SNTG1: variants seen among roughly 807,000 people sequenced by gnomAD.
SNTG1 encodes the protein syntrophin gamma 1.
In SNTG1, 39 loss-of-function variants were observed where a neutral mutation model predicts 74.7. That is an observed-to-expected ratio of 0.52 (90% CI 0.40 to 0.68). The LOEUF (loss-of-function observed/expected upper bound fraction) is 0.68. Among genes scored for constraint, SNTG1 ranks in the 30% least tolerant of loss-of-function variants. SNTG1 has a pLI of 0.00. For missense variants in SNTG1, 685 were observed against 609.5 expected (o/e 1.12, Z -1.30); for synonymous variants, 254 against 217.1 (o/e 1.17, Z -1.49).
intron 8 of SNTG1, among the ~76,000 whole-genome samples, chr8:50,454,421 C>T (rs761371303): frequency 2.0e-5 from 3 of 152,020 alleles, no homozygotes; most frequent in Admixed American, 6.6e-5. Flanking sequence ...TGCTTGAACC[C>T]GGGAGGCGGA....
At chr8:50,400,304 C>T (rs552801914) in intron 3 of SNTG1, among the ~76,000 whole-genome samples, 45 of 152,258 alleles carry the variant, frequency 3.0e-4, no homozygotes, top group African/African-American at 1.1e-3. Flanking sequence ...GCAAAGTATC[C>T]TCCATCCTTA....
chr8:49,935,443 T>C (rs527982016), intron 1 of SNTG1, among the ~76,000 whole-genome samples: 130 of 135,920 alleles, frequency 9.6e-4, no homozygotes, highest in African/African-American at 3.5e-3. Flanking sequence ...ACTGCAGAGA[T>C]GCTTAGGAAG....
At chr8:49,953,151 T>G (rs1480251903) in intron 1 of SNTG1, among the ~76,000 whole-genome samples, 3 of 152,206 alleles carry the variant, frequency 2.0e-5, no homozygotes, top group Non-Finnish European at 4.4e-5. Flanking sequence ...AGTCCAGGAA[T>G]GACTTTGAAG....
intron 1 of SNTG1, among the ~76,000 whole-genome samples, chr8:50,159,102 T>C (rs893708654): frequency 2.6e-5 from 4 of 152,176 alleles, no homozygotes; most frequent in Non-Finnish European, 4.4e-5. Context: ...GGGTTTTTTC[T>C]CTTCTAAAAT....
chr8:50,557,745 A>G (rs1370498675), intron 12 of SNTG1, among the ~76,000 whole-genome samples: 1 of 152,184 alleles, frequency 6.6e-6, no homozygotes, highest in African/African-American at 2.4e-5. Flanking sequence ...CAGGTTTTCC[A>G]TGTGGATATT....
chr8:50,405,122 A>T (rs2131367311), intron 4 of SNTG1, among the ~76,000 whole-genome samples: 1 of 152,194 alleles, frequency 6.6e-6, no homozygotes, highest in South Asian at 2.1e-4. Flanking sequence ...TGGGTGTACA[A>T]ATATGTTTGA....
chr8:49,930,106 T>G (rs1275090339), intron 1 of SNTG1, among the ~76,000 whole-genome samples: 1 of 152,008 alleles, frequency 6.6e-6, no homozygotes, highest in Non-Finnish European at 1.5e-5. Context: ...TCGAAAACAA[T>G]TTATACTAAA....
At chr8:50,584,902 T>G (rs2130842237) in intron 12 of SNTG1, among the ~76,000 whole-genome samples, 1 of 152,198 alleles carries the variant, frequency 6.6e-6, no homozygotes, top group African/African-American at 2.4e-5. Context: ...GGGTGGGCAC[T>G]GGGTCCATGC....
intron 8 of SNTG1, among the ~76,000 whole-genome samples, chr8:50,477,087 G>A (rs917359899): frequency 2.6e-5 from 4 of 152,018 alleles, no homozygotes; most frequent in Non-Finnish European, 5.9e-5. Flanking sequence ...AACTGGGGAA[G>A]AAAAGAAAAA....
chr8:50,096,853 C>T (rs1022272215), intron 1 of SNTG1, among the ~76,000 whole-genome samples: 1 of 152,098 alleles, frequency 6.6e-6, no homozygotes, highest in Non-Finnish European at 1.5e-5. Flanking sequence ...TGAATTAATA[C>T]ATTCTGCAAG....
chr8:50,722,906 C>T (rs925982026), intron 17 of SNTG1, among the ~76,000 whole-genome samples: 6 of 152,048 alleles, frequency 3.9e-5, no homozygotes, highest in Non-Finnish European at 8.8e-5. Context: ...CAAAAACAAA[C>T]AAGTTTTAAT....
chr8:50,154,552 A>G (rs2082190379), intron 1 of SNTG1, among the ~76,000 whole-genome samples: 1 of 152,156 alleles, frequency 6.6e-6, no homozygotes. Flanking sequence ...CGCCACTGTA[A>G]CCAAGAGGGC....
chr8:50,579,644 A>G (rs2094597466), intron 12 of SNTG1, among the ~76,000 whole-genome samples: 2 of 152,174 alleles, frequency 1.3e-5, no homozygotes, highest in African/African-American at 4.8e-5. Flanking sequence ...CAATGCATAA[A>G]GTATAATAAT....
At chr8:50,373,285 T>C (rs2092308986) in intron 2 of SNTG1, among the ~76,000 whole-genome samples, 1 of 152,236 alleles carries the variant, frequency 6.6e-6, no homozygotes, top group Non-Finnish European at 1.5e-5. Context: ...AAATATGTTT[T>C]CACGAAATAC....
chr8:49,969,999 T>C (rs1334216210), intron 1 of SNTG1, among the ~76,000 whole-genome samples: 1 of 152,066 alleles, frequency 6.6e-6, no homozygotes, highest in Non-Finnish European at 1.5e-5. Flanking sequence ...GTCTCATGTT[T>C]TTATTTCTTA....
intron 13 of SNTG1, among the ~76,000 whole-genome samples, chr8:50,644,620 T>C (rs1369779700): frequency 6.6e-6 from 1 of 152,158 alleles, no homozygotes; most frequent in African/African-American, 2.4e-5. Context: ...AATAGTAAAA[T>C]GTGGGGGAGA....
intron 2 of SNTG1, among the ~76,000 whole-genome samples, chr8:50,312,587 G>T (rs1186205445): frequency 2.0e-5 from 3 of 149,772 alleles, no homozygotes; most frequent in African/African-American, 7.5e-5. Flanking sequence ...GTAGCCAAGG[G>T]TTTGGGTTAA....
chr8:50,756,523 G>A (rs901222964), intron 18 of SNTG1, among the ~76,000 whole-genome samples: 1 of 151,678 alleles, frequency 6.6e-6, no homozygotes, highest in Non-Finnish European at 1.5e-5. Context: ...TGTTGAACAG[G>A]CTATATTTAC....
At chr8:50,705,701 C>T (rs2131535947) in intron 16 of SNTG1, among the ~76,000 whole-genome samples, 1 of 152,264 alleles carries the variant, frequency 6.6e-6, no homozygotes, top group South Asian at 2.1e-4. Context: ...GCATTTTGCA[C>T]ATCATGAGTA....
Sources: gnomAD v4.1 joint callset for allele counts (sites outside exome capture counted in the v4.1 genomes callset) on GRCh38, gnomAD v4.1.1 for gene constraint, MANE v1.5 for transcripts, NCBI Gene and HGNC (gene_info 2026-07-23, HGNC 2026-07-21) for gene names.